Variants in FER observed in about 807,000 individuals in gnomAD.
The protein encoded by FER is tyrosine-protein kinase Fer.
FER carries 63 observed loss-of-function variants against 111.0 expected under a neutral mutation model. That is an observed-to-expected ratio of 0.57 (90% CI 0.46 to 0.70). The LOEUF is 0.70. FER is among the 30% of genes least tolerant of loss of function. The pLI, the probability that FER is intolerant of heterozygous loss-of-function variation, is 0.00. For synonymous variants in FER, 327 were observed against 313.9 expected (o/e 1.04, Z -0.44); for missense variants, 914 against 954.0 (o/e 0.96, Z 0.55).
At chr5:108,921,049 A>G (rs932260501) in intron 10 of FER, among the ~76,000 whole-genome samples, 17 of 152,204 alleles carry the variant, frequency 1.1e-4, no homozygotes, top group African/African-American at 3.8e-4. Context: ...TCGTATGACC[A>G]ACTGCCTTCT....
At chr5:108,866,999 C>T (rs1218127297) in intron 5 of FER, among the ~76,000 whole-genome samples, 1 of 152,094 alleles carries the variant, frequency 6.6e-6, no homozygotes, top group South Asian at 2.1e-4. Context: ...GCTTGATTTT[C>T]AAGTCATTCA....
At position 108,897,569 on chromosome 5, in the gene FER, G is replaced by A. The variant is rs533241309; in HGVS notation, c.1047-90G>A. ...GATTCTAAAGGGCTCTTATAAAAAT[G>A]AAATCAAAGAAAAGCATAATTTACA... On this transcript the variant is annotated intron_variant, in intron 9 of 19. Transcript: ENST00000281092. 1,204 of 950,872 alleles carry A rather than the reference G, an allele frequency of 1.3e-3. 2 individuals carry two copies. Among genetic ancestry groups the A allele is most frequent in the Non-Finnish European group, 1.4e-3 (996 of 693,048 alleles). The allele number at this position is 950,872 out of a possible 1,614,324, so 58.9% of individuals were successfully genotyped here. A position where few individuals can be genotyped will look rare whatever the true frequency, so the allele number is the denominator to read the frequency against.
rs139205864 is a variant in FER, at chr5:108,872,187, T to C, written c.898T>C (p.Leu300=). 1.9e-6 allele frequency: 3 copies of C among 1,609,994 alleles called. No homozygotes were observed. Among genetic ancestry groups the C allele is most frequent in the Admixed American group, 3.4e-5 (2 of 59,142 alleles). The stretch of plus-strand genomic sequence containing the variant: ...GGCAAATGAGATCATGTGGAATAAC[T>C]TAACAGCAGAAAGTTTGCAAGTAAT... The part of the protein sequence containing the change: ...LQANEIMWNN[L]TAESLQVMLK... The change falls in exon 8 of 20, where the codon TTA becomes CTA. Residue 300 remains leucine (L), a synonymous_variant. Transcript: ENST00000281092.
At chr5:108,851,913 AAAAG>A in intron 5 of FER, among the ~76,000 whole-genome samples, 1 of 152,208 alleles carries the variant, frequency 6.6e-6, no homozygotes, top group East Asian at 1.9e-4. Flanking sequence ...ATGTTCAGGA[AAAAG>A]AAAGAAAACA....
chr5:108,835,954 C>A, intron 5 of FER, 147 bp downstream of exon 5: 1 of 463,678 alleles, frequency 2.2e-6, no homozygotes, highest in East Asian at 4.0e-5. Context: ...AATTGTCAAA[C>A]AGTGTAGTAA....
chr5:108,868,014 C>A, intron 6 of FER, 64 bp downstream of exon 6: 2 of 1,477,292 alleles, frequency 1.4e-6, no homozygotes, highest in Admixed American at 2.0e-5. Flanking sequence ...TATTTTCTCT[C>A]TAGTTTAGGT....
At chr5:108,848,854 G>T (rs1762278557) in intron 5 of FER, among the ~76,000 whole-genome samples, 1 of 151,808 alleles carries the variant, frequency 6.6e-6, no homozygotes, top group Non-Finnish European at 1.5e-5. Context: ...TTGTAATGTA[G>T]GTCTGCAAGT....
chr5:109,125,586 A>G (rs1751610383), intron 17 of FER, among the ~76,000 whole-genome samples: 1 of 152,202 alleles, frequency 6.6e-6, no homozygotes, highest in South Asian at 2.1e-4. Context: ...CACTTATAGA[A>G]GATTGGTGAA....
chr5:108,911,229 G>A (rs866862218), intron 10 of FER, among the ~76,000 whole-genome samples: 91 of 152,170 alleles, frequency 6.0e-4, no homozygotes, highest in African/African-American at 2.1e-3. Flanking sequence ...TAGTGATGTT[G>A]AGGTTTTTTT....
chr5:109,109,373 T>C (rs1246637207), intron 17 of FER, among the ~76,000 whole-genome samples: 1 of 152,160 alleles, frequency 6.6e-6, no homozygotes. Flanking sequence ...ACTGGTTTCC[T>C]TTTTATTGCT....
At position 109,148,965 on chromosome 5, in the gene FER, A is replaced by G. The variant is rs561478823; in HGVS notation, c.2049-31782A>G. 2.6e-5 allele frequency among the ~76,000 whole-genome samples: 4 copies of G among 152,316 alleles called. 1 individual carries two copies. Among genetic ancestry groups the G allele is most frequent in the African/African-American group, 7.2e-5 (3 of 41,576 alleles). On this transcript the variant is annotated intron_variant, in intron 17 of 19. Transcript: ENST00000281092. ...AAGTTATAATATTACTTAAGAGAGT[A>G]AAATATGACCAAACTACATCTGTCT...
At chr5:108,814,579 C>T (rs1296708787) in intron 3 of FER, among the ~76,000 whole-genome samples, 3 of 152,138 alleles carry the variant, frequency 2.0e-5, no homozygotes, top group African/African-American at 7.2e-5. Context: ...ATCTTTAAAG[C>T]AAAATTAGGA....
intron 2 of FER, among the ~76,000 whole-genome samples, chr5:108,792,752 A>G (rs1238600921): frequency 6.6e-6 from 1 of 151,632 alleles, no homozygotes; most frequent in East Asian, 1.9e-4. Context: ...TTGTTTTCTA[A>G]TTTCATTTTT....
At chr5:109,142,494 A>G (rs1233608559) in intron 17 of FER, among the ~76,000 whole-genome samples, 1 of 152,206 alleles carries the variant, frequency 6.6e-6, no homozygotes, top group Non-Finnish European at 1.5e-5. Flanking sequence ...ACTTATTTTT[A>G]TAATTAAGAT....
At chr5:109,014,293 C>G (rs1766721774) in intron 13 of FER, among the ~76,000 whole-genome samples, 1 of 152,158 alleles carries the variant, frequency 6.6e-6, no homozygotes, top group Non-Finnish European at 1.5e-5. Context: ...TTTCAGCTTT[C>G]TACATATGGC....
chr5:109,047,990 G>A (rs535696617), intron 16 of FER, among the ~76,000 whole-genome samples: 4 of 152,192 alleles, frequency 2.6e-5, no homozygotes, highest in East Asian at 1.9e-4. Context: ...GATACATTCA[G>A]AAGTAAAATT....
intron 16 of FER, among the ~76,000 whole-genome samples, chr5:109,084,731 A>G (rs1393024823): frequency 1.3e-5 from 2 of 151,878 alleles, no homozygotes; most frequent in Non-Finnish European, 2.9e-5. Context: ...TAGGAGCCTT[A>G]TACTTTAGAT....
intron 17 of FER, among the ~76,000 whole-genome samples, chr5:109,170,797 C>G (rs993909764): frequency 2.6e-5 from 4 of 152,146 alleles, no homozygotes; most frequent in Admixed American, 2.6e-4. Context: ...CATTCATTAG[C>G]TGCTGACACC....
intron 13 of FER, among the ~76,000 whole-genome samples, chr5:108,976,532 C>T (rs554421466): frequency 1.2e-3 from 188 of 152,074 alleles, no homozygotes; most frequent in African/African-American, 3.8e-3. Flanking sequence ...CTGGGGGTGA[C>T]GGGTGCTGAC....
Sources: allele counts gnomAD v4.1 joint callset (sites outside exome capture counted in the v4.1 genomes callset), GRCh38; gene constraint gnomAD v4.1.1; transcripts MANE v1.5; gene names NCBI Gene and HGNC (gene_info 2026-07-23, HGNC 2026-07-21).